OPCML: variants seen among roughly 807,000 people sequenced by gnomAD.
The protein encoded by OPCML is opioid binding protein/cell adhesion molecule like, also known as opioid-binding protein/cell adhesion molecule.
A neutral mutation model predicts 37.8 loss-of-function variants in OPCML; 13 were observed. The ratio of observed to expected loss-of-function variants is 0.34; its 90% CI spans 0.22 to 0.55. The LOEUF (loss-of-function observed/expected upper bound fraction) is 0.55. Among genes scored for constraint, OPCML ranks in the 20% least tolerant of loss-of-function variants. The pLI is 0.91. For missense variants in OPCML, 341 were observed against 435.6 expected (o/e 0.78, Z 1.93); for synonymous variants, 176 against 168.8 (o/e 1.04, Z -0.33).
intron 1 of OPCML, among the ~76,000 whole-genome samples, chr11:133,321,481 T>G (rs866162041): frequency 1.3e-5 from 2 of 152,182 alleles, no homozygotes; most frequent in African/African-American, 4.8e-5. Flanking sequence ...GGGACAGACC[T>G]CCTCTTGTGT....
intron 1 of OPCML, among the ~76,000 whole-genome samples, chr11:132,989,559 G>A (rs1314748675): frequency 6.6e-6 from 1 of 151,954 alleles, no homozygotes; most frequent in African/African-American, 2.4e-5. Context: ...GGATGGGGGA[G>A]GACCATGCGC....
intron 1 of OPCML, among the ~76,000 whole-genome samples, chr11:133,039,903 C>T (rs921120628): frequency 1.3e-5 from 2 of 151,870 alleles, no homozygotes; most frequent in Admixed American, 1.3e-4. Flanking sequence ...GTGGTGGGCA[C>T]CTGTAATCCC....
intron 2 of OPCML, among the ~76,000 whole-genome samples, chr11:132,792,165 T>C (rs901529749): frequency 2.6e-5 from 4 of 152,218 alleles, no homozygotes; most frequent in Admixed American, 2.6e-4. Flanking sequence ...GGCTTTGCAA[T>C]TGTAGCGTAT....
intron 1 of OPCML, among the ~76,000 whole-genome samples, chr11:133,411,538 G>T (rs1257204545): frequency 6.6e-6 from 1 of 152,134 alleles, no homozygotes; most frequent in East Asian, 1.9e-4. Flanking sequence ...ATTTACAGTG[G>T]CCCTCACACA....
intron 1 of OPCML, chr11:133,419,382 A>T: frequency 2.0e-6 from 2 of 977,194 alleles, no homozygotes; most frequent in Non-Finnish European, 2.4e-6. Context: ...CCCACTCGTC[A>T]GAGCTTATTG....
At chr11:132,709,583 G>A (rs1389562533) in intron 2 of OPCML, among the ~76,000 whole-genome samples, 1 of 152,130 alleles carries the variant, frequency 6.6e-6, no homozygotes, top group African/African-American at 2.4e-5. Context: ...CTTTGAAGAG[G>A]AGTGACCAGG....
At chr11:132,864,548 C>A (rs1379670749) in intron 2 of OPCML, among the ~76,000 whole-genome samples, 1 of 152,158 alleles carries the variant, frequency 6.6e-6, no homozygotes, top group African/African-American at 2.4e-5. Flanking sequence ...ACTTTAACTG[C>A]AAAGCAGTAT....
At chr11:132,676,710 A>G (rs956070253) in intron 2 of OPCML, among the ~76,000 whole-genome samples, 3 of 151,466 alleles carry the variant, frequency 2.0e-5, no homozygotes, top group Admixed American at 6.6e-5. Context: ...TTAGTAATAC[A>G]TAAAGCCTTA....
At chr11:132,449,824 C>T (rs533891202) in intron 4 of OPCML, among the ~76,000 whole-genome samples, 2 of 152,278 alleles carry the variant, frequency 1.3e-5, no homozygotes, top group South Asian at 4.1e-4. Flanking sequence ...CCGGCCAGCT[C>T]ATTTCTTAGG....
chr11:133,386,419 G>T (rs1592254895), intron 1 of OPCML, among the ~76,000 whole-genome samples: 1 of 152,230 alleles, frequency 6.6e-6, no homozygotes, highest in South Asian at 2.1e-4. Flanking sequence ...CAATTTGAGG[G>T]AAAGATAAGT....
chr11:132,789,487 A>G (rs1020964804), intron 2 of OPCML, among the ~76,000 whole-genome samples: 1 of 152,242 alleles, frequency 6.6e-6, no homozygotes, highest in African/African-American at 2.4e-5. Context: ...AGTCGAGTTC[A>G]TTTAGACAAA....
At chr11:133,380,449 T>C (rs1347852097) in intron 1 of OPCML, among the ~76,000 whole-genome samples, 3 of 152,214 alleles carry the variant, frequency 2.0e-5, no homozygotes, top group African/African-American at 7.2e-5. Context: ...GTACTTTGAA[T>C]GCAATATATT....
intron 2 of OPCML, among the ~76,000 whole-genome samples, chr11:132,826,532 C>T (rs1940351058): frequency 6.6e-6 from 1 of 152,160 alleles, no homozygotes; most frequent in Admixed American, 6.5e-5. Context: ...TTCAGACACT[C>T]CAACAGCCAT....
chr11:133,423,527 T>C, intron 1 of OPCML: 1 of 970,372 alleles, frequency 1.0e-6, no homozygotes, highest in Non-Finnish European at 1.2e-6. Flanking sequence ...AAAGAAGTCC[T>C]AACGAGAAGT....
At chr11:133,072,049 C>T (rs975020528) in intron 1 of OPCML, among the ~76,000 whole-genome samples, 3 of 152,142 alleles carry the variant, frequency 2.0e-5, no homozygotes, top group Non-Finnish European at 4.4e-5. Context: ...TCATCGTGCA[C>T]TTGTTTACCG....
At chr11:133,464,067 A>G (rs544091870) in intron 1 of OPCML, among the ~76,000 whole-genome samples, 1 of 152,138 alleles carries the variant, frequency 6.6e-6, no homozygotes, top group Admixed American at 6.5e-5. Context: ...TATAGATCCC[A>G]ACAGATAAGA....
chr11:133,280,458 T>G (rs1404398967), intron 1 of OPCML, among the ~76,000 whole-genome samples: 1 of 152,202 alleles, frequency 6.6e-6, no homozygotes, highest in Non-Finnish European at 1.5e-5. Flanking sequence ...AACTGCCAGA[T>G]TGCTTTCAAG....
At chr11:133,011,575 A>C (rs142136638) in intron 1 of OPCML, among the ~76,000 whole-genome samples, 32 of 151,308 alleles carry the variant, frequency 2.1e-4, no homozygotes, top group Non-Finnish European at 3.4e-4. Flanking sequence ...AGTTATTTAA[A>C]AACTGAATGA....
chr11:133,277,630 A>C (rs1388329150), intron 1 of OPCML, among the ~76,000 whole-genome samples: 1 of 152,094 alleles, frequency 6.6e-6, no homozygotes, highest in Non-Finnish European at 1.5e-5. Context: ...AAGACAACTG[A>C]ATGATTCCTT....
Sources: allele counts gnomAD v4.1 joint callset (sites outside exome capture counted in the v4.1 genomes callset), GRCh38; gene constraint gnomAD v4.1.1; transcripts MANE v1.5; gene names NCBI Gene and HGNC (gene_info 2026-07-23, HGNC 2026-07-21).